The following PHF7 variants were observed in gnomAD, a reference collection of about 807,000 sequenced individuals.
PHF7 encodes the protein E3 ubiquitin-protein ligase PHF7.
In PHF7, 24 loss-of-function variants were observed where a neutral mutation model predicts 47.5. The observed-to-expected ratio is 0.51, with a 90% CI of 0.37 to 0.71. The LOEUF is 0.71. Ranked by LOEUF, PHF7 falls within the 30% of genes least tolerant of loss-of-function variation. The probability of loss-of-function intolerance (pLI) is 0.00; values close to 1 mark genes in which losing one functional copy is unlikely to be tolerated. For synonymous variants in PHF7, 156 were observed against 153.8 expected, an observed-to-expected ratio of 1.01 and a Z score of -0.11; for missense variants, 361 against 456.8, an observed-to-expected ratio of 0.79 and a Z score of 1.91.
intron 9 of PHF7, 155 bp downstream of exon 9, chr3:52,422,493 T>A: frequency 1.5e-6 from 1 of 668,126 alleles, no homozygotes. Flanking sequence ...CCGACTCACT[T>A]GTGTGCACGT....
chr3:52,412,771 C>G (rs1316069361), intron 1 of PHF7, 40 bp from the exon 2 acceptor site: 3 of 894,712 alleles, frequency 3.4e-6, no homozygotes, highest in African/African-American at 3.4e-5. Flanking sequence ...TAACCAAATA[C>G]AGAATTAAAT....
Position 52,412,756 on chromosome 3 carries a change from C to T in PHF7, c.-69-55C>T, listed in dbSNP as rs534017256. 2.3e-5 allele frequency: 18 copies of T among 793,030 alleles called. No individual in the cohort carries two copies. In the African/African-American group the frequency reaches 2.6e-4, roughly 11 times the overall value. 49.1% of individuals were successfully genotyped at this position (793,030 alleles called of 1,614,324 possible). A position where few individuals can be genotyped will look rare whatever the true frequency, so the allele number is the denominator to read the frequency against. On this transcript the variant is annotated intron_variant, in intron 1 of 10. Transcript: ENST00000327906. Reference sequence around the variant, plus strand: ...GCACCATTGCCTTGACCCTGGGGAACTTGATAACCAAATACAGAATTAAAT... The same window carrying T: ...GCACCATTGCCTTGACCCTGGGGAATTTGATAACCAAATACAGAATTAAAT...
intron 9 of PHF7, 118 bp downstream of exon 9, chr3:52,422,456 G>T (rs959330582): frequency 2.5e-5 from 19 of 761,634 alleles, no homozygotes; most frequent in South Asian, 2.4e-4. Context: ...GGATAAACAC[G>T]ATTGCTAAGT....
intron 1 of PHF7, among the ~76,000 whole-genome samples, chr3:52,411,973 T>G (rs894995587): frequency 6.6e-6 from 1 of 152,114 alleles, no homozygotes; most frequent in African/African-American, 2.4e-5. Context: ...CCCAGCACTT[T>G]GGGAGGCTGA....
chr3:52,417,742 A>G (rs1705666805), intron 4 of PHF7, among the ~76,000 whole-genome samples: 1 of 152,152 alleles, frequency 6.6e-6, no homozygotes, highest in South Asian at 2.1e-4. Flanking sequence ...AGACAGTTCT[A>G]CTTCTTTCTC....
At position 52,417,080 on chromosome 3, in the gene PHF7, C is replaced by T. The variant is rs565453382; in HGVS notation, c.186+2493C>T. Among the ~76,000 whole-genome samples, 3 of 152,088 alleles carry T rather than the reference C, an allele frequency of 2.0e-5. 1 individual carries two copies. The South Asian group carries it at 6.2e-4, about 32-fold the overall frequency. ...TGTGTTGCAAGAAATCTTTACCTAC[C>T]CATAGAATTGCCTTGGTGCCTTTGT... On this transcript the variant is annotated intron_variant, in intron 4 of 10. Coordinates refer to ENST00000327906, the MANE Select transcript of PHF7 (RefSeq NM_016483.7).
At position 52,422,351 on chromosome 3, in the gene PHF7, T is replaced by C. The variant is rs1254573874; in HGVS notation, c.797+13T>C. ...TTGAGGATGAAGGGTAGGGGAAGGC[T>C]TCTGGCTAGAAAGAGCTCTCATCAG... On this transcript the variant is annotated intron_variant, in intron 9 of 10. Coordinates refer to ENST00000327906, the MANE Select transcript of PHF7 (RefSeq NM_016483.7). 2 of 1,528,296 alleles carry C rather than the reference T, an allele frequency of 1.3e-6. No homozygotes were observed. The highest frequency in any genetic ancestry group is 3.3e-5 in the Admixed American group (2 of 59,900). The allele number at this position is 1,528,296 out of a possible 1,614,324, so 94.7% of individuals were successfully genotyped here. A position where few individuals can be genotyped will look rare whatever the true frequency, so the allele number is the denominator to read the frequency against.
At chr3:52,422,959 A>G in intron 10 of PHF7, 78 bp downstream of exon 10, 1 of 1,582,426 alleles carries the variant, frequency 6.3e-7, no homozygotes. Flanking sequence ...AAGGAGGAAG[A>G]CATCCCACCA....
chr3:52,418,486 C>T (rs1183773247), intron 4 of PHF7, among the ~76,000 whole-genome samples: 1 of 152,186 alleles, frequency 6.6e-6, no homozygotes, highest in Non-Finnish European at 1.5e-5. Flanking sequence ...ACAAATCACT[C>T]ATCCCAAAGC....
intron 4 of PHF7, among the ~76,000 whole-genome samples, chr3:52,419,320 G>T (rs1371327135): frequency 6.6e-6 from 1 of 152,138 alleles, no homozygotes; most frequent in Non-Finnish European, 1.5e-5. Context: ...AGGACTCAAT[G>T]AGTTAATATT....
rs1391894561 is a variant in PHF7, at chr3:52,423,605, CAT to C, written c.*289_*290del. The C allele has an allele frequency of 1.3e-5, 4 of 307,822 alleles. No homozygotes were observed. 19.1% of individuals were successfully genotyped at this position (307,822 alleles called of 1,614,324 possible). ...TTCATATGCCTCTTCTTACTTCACCCATGTTTGTTGTTATGCAAATAAAGGTT... is the reference window on the plus strand; with the variant it reads ...TTCATATGCCTCTTCTTACTTCACCCGTTTGTTGTTATGCAAATAAAGGTT... On this transcript the variant is annotated 3_prime_UTR_variant, in exon 11 of 11. Transcript: ENST00000327906.
intron 5 of PHF7, 156 bp downstream of exon 5, chr3:52,420,090 T>C: frequency 1.3e-6 from 1 of 745,144 alleles, no homozygotes; most frequent in South Asian, 1.5e-5. Context: ...CTCTGGGGTA[T>C]GGGTGTCCTA....
intron 10 of PHF7, 22 bp downstream of exon 10, chr3:52,422,903 G>A (rs757648133): frequency 1.0e-4 from 161 of 1,613,710 alleles, no homozygotes; most frequent in Admixed American, 3.5e-4. Flanking sequence ...GGGATGGGCC[G>A]GCCTCAGAGC....
chr3:52,419,517 C>T (rs1036722673), intron 4 of PHF7, among the ~76,000 whole-genome samples: 5 of 151,630 alleles, frequency 3.3e-5, no homozygotes, highest in Non-Finnish European at 7.4e-5. Flanking sequence ...GCAAGCTCCA[C>T]CCTCTCGGGT....
intron 8 of PHF7, 110 bp downstream of exon 8, chr3:52,421,864 A>G: frequency 1.5e-6 from 1 of 662,604 alleles, no homozygotes; most frequent in Non-Finnish European, 2.8e-6. Context: ...AGAGGCACTG[A>G]TAAGAAGGAA....
In PHF7 at chr3:52,423,502, A is replaced by G. The variant is rs1292054479; in HGVS notation, c.*185A>G. ...GAGCAGTCCAGATGCCAACAAGGAAATGCGTTTATGGCTACAAGAGTGCCT... is the reference window on the plus strand; with the variant it reads ...GAGCAGTCCAGATGCCAACAAGGAAGTGCGTTTATGGCTACAAGAGTGCCT... On this transcript the variant is annotated 3_prime_UTR_variant, in exon 11 of 11. Transcript: ENST00000327906. 2 of 554,162 alleles carry G rather than the reference A, an allele frequency of 3.6e-6. No homozygotes were observed. The highest frequency in any genetic ancestry group is 6.4e-6 in the Non-Finnish European group (2 of 311,228). The allele number at this position is 554,162 out of a possible 1,614,324, so 34.3% of individuals were successfully genotyped here. A position where few individuals can be genotyped will look rare whatever the true frequency, so the allele number is the denominator to read the frequency against.
At position 52,423,321 on chromosome 3, in the gene PHF7, C is replaced by T. The variant is rs369065947; in HGVS notation, c.*4C>T. 6.3e-7 allele frequency: 1 copy of T among 1,583,270 alleles called. No individual in the cohort carries two copies. ...CAGCTGCAAAAAATCCAAGTAACACCTTCTGAGTAGCTGCTGTCCCACACA... is the reference window on the plus strand; with the variant it reads ...CAGCTGCAAAAAATCCAAGTAACACTTTCTGAGTAGCTGCTGTCCCACACA... On this transcript the variant is annotated 3_prime_UTR_variant, in exon 11 of 11. Transcript: ENST00000327906.
intron 8 of PHF7, chr3:52,422,004 A>C (rs1705805723): frequency 3.3e-6 from 2 of 597,440 alleles, no homozygotes; most frequent in Non-Finnish European, 6.0e-6. Flanking sequence ...GAGTTATTGG[A>C]TTCCAGAGTG....
At position 52,423,156 on chromosome 3, in the gene PHF7, T is replaced by G; in HGVS notation, c.985T>G (p.Phe329Val). 1 of 1,614,084 alleles carries G rather than the reference T, an allele frequency of 6.2e-7. No homozygotes were observed. The highest frequency in any genetic ancestry group is 8.5e-7 in the Non-Finnish European group (1 of 1,179,942). ...CAGCACCTTCCACCCTGAGGAACAT[T>G]TCTGCAGAGACAACACCTTGGAAGA... ...CSSTFHPEEH[F>V]CRDNTLEENP... Residue 329 changes from phenylalanine (F) to valine (V), a missense_variant, in exon 11 of 11, where the codon TTC (phenylalanine) becomes GTC (valine). Coordinates refer to ENST00000327906, the MANE Select transcript of PHF7 (RefSeq NM_016483.7).
Sources: allele counts gnomAD v4.1 joint callset (sites outside exome capture counted in the v4.1 genomes callset), GRCh38; gene constraint gnomAD v4.1.1; transcripts MANE v1.5; gene names NCBI Gene and HGNC (gene_info 2026-07-23, HGNC 2026-07-21).